Variants in ACYP2 observed in about 807,000 individuals in gnomAD.
ACYP2 encodes the protein acylphosphatase 2.
ACYP2 carries 12 observed loss-of-function variants against 11.2 expected under a neutral mutation model. The ratio of observed to expected loss-of-function variants is 1.08; its 90% confidence interval spans 0.69 to 1.74. The LOEUF (loss-of-function observed/expected upper bound fraction) is 1.74. Ranked by LOEUF, ACYP2 falls within the 40% of genes most tolerant of loss-of-function variation. The pLI, the probability that ACYP2 is intolerant of heterozygous loss-of-function variation, is 0.00. For synonymous variants in ACYP2, 43 were observed against 32.2 expected, an observed-to-expected ratio of 1.33 and a Z score of -1.13; for missense variants, 134 against 101.9, an observed-to-expected ratio of 1.31 and a Z score of -1.35.
At chr2:54,112,991 A>G (rs1462300382) in intron 4 of ACYP2, among the ~76,000 whole-genome samples, 2 of 151,864 alleles carry the variant, frequency 1.3e-5, no homozygotes, top group Non-Finnish European at 2.9e-5. Context: ...CCAGTCAGTG[A>G]CTACTTAGAA....
At chr2:54,235,502 C>T (rs893522771) in intron 6 of ACYP2, among the ~76,000 whole-genome samples, 14 of 152,230 alleles carry the variant, frequency 9.2e-5, no homozygotes, top group African/African-American at 3.4e-4. Flanking sequence ...GCGCCCACCA[C>T]CATGCCTGGC....
intron 2 of ACYP2, among the ~76,000 whole-genome samples, chr2:54,032,632 C>G (rs902472202): frequency 6.6e-6 from 1 of 152,092 alleles, no homozygotes; most frequent in African/African-American, 2.4e-5. Context: ...TCCATATGAA[C>G]TTTAAAGTAG....
chr2:54,249,750 G>A (rs377370733), intron 6 of ACYP2, among the ~76,000 whole-genome samples: 1 of 151,860 alleles, frequency 6.6e-6, no homozygotes, highest in African/African-American at 2.4e-5. Context: ...AGATGAGCTT[G>A]GGCAACACAG....
chr2:53,972,115 C>G (rs905298072), intron 1 of ACYP2, among the ~76,000 whole-genome samples: 1 of 151,602 alleles, frequency 6.6e-6, no homozygotes, highest in Admixed American at 6.6e-5. Flanking sequence ...CGAGACCAGT[C>G]TGGCCAACAT....
intron 4 of ACYP2, among the ~76,000 whole-genome samples, chr2:54,126,227 A>G (rs1337234346): frequency 6.6e-6 from 1 of 152,246 alleles, no homozygotes; most frequent in East Asian, 1.9e-4. Context: ...AGGTGTACTG[A>G]TGACAGTCAC....
At chr2:54,160,025 C>T (rs567848985) in intron 6 of ACYP2, among the ~76,000 whole-genome samples, 37 of 152,288 alleles carry the variant, frequency 2.4e-4, no homozygotes, top group African/African-American at 8.2e-4. Flanking sequence ...GAAAGGATGA[C>T]TTGCTGGATA....
intron 4 of ACYP2, among the ~76,000 whole-genome samples, chr2:54,097,953 T>C (rs1572747439): frequency 7.3e-6 from 1 of 136,738 alleles, no homozygotes. Flanking sequence ...TGTTTCTTTC[T>C]CTCCTTCCTT....
At position 54,263,904 on chromosome 2, in the gene ACYP2, C is replaced by T. The variant is rs1303405059; in HGVS notation, c.405-40784C>T. Among the ~76,000 whole-genome samples the T allele has an allele frequency of 6.9e-5, 3 of 43,550 alleles. No individual in the cohort carries two copies. The East Asian group carries it at 1.8e-3, about 26-fold the overall frequency. 28.6% of individuals were successfully genotyped at this position (43,550 alleles called of 152,430 possible). On this transcript the variant is annotated intron_variant, in intron 6 of 6. Transcript: ENST00000607452. Reference sequence around the variant, plus strand: ...GGAAGCCAGCTTCAGTCATCAAATCCAAACAAACAGTGAGCACAGGAAGAG... The same window carrying T: ...GGAAGCCAGCTTCAGTCATCAAATCTAAACAAACAGTGAGCACAGGAAGAG...
intron 3 of ACYP2, among the ~76,000 whole-genome samples, chr2:54,052,140 AGAT>A (rs1474555891): frequency 1.3e-5 from 2 of 152,148 alleles, no homozygotes; most frequent in Admixed American, 1.3e-4. Flanking sequence ...AAGATGAAGA[AGAT>A]GATGATGCTG....
intron 6 of ACYP2, among the ~76,000 whole-genome samples, chr2:54,178,596 A>G (rs950256443): frequency 2.6e-5 from 4 of 152,122 alleles, no homozygotes; most frequent in African/African-American, 9.7e-5. Context: ...AACATCTTTT[A>G]TGTTTTCTGG....
intron 6 of ACYP2, among the ~76,000 whole-genome samples, chr2:54,231,627 A>G (rs1212393915): frequency 6.6e-6 from 1 of 152,208 alleles, no homozygotes; most frequent in East Asian, 1.9e-4. Flanking sequence ...TCGAATTTGT[A>G]TCATCCTTAT....
chr2:54,164,416 T>C (rs1682863983), intron 6 of ACYP2, among the ~76,000 whole-genome samples: 1 of 152,132 alleles, frequency 6.6e-6, no homozygotes, highest in Non-Finnish European at 1.5e-5. Context: ...ATAATGATGA[T>C]TTAGGAGGAG....
At chr2:54,076,114 A>G (rs979205102) in intron 4 of ACYP2, among the ~76,000 whole-genome samples, 2 of 152,226 alleles carry the variant, frequency 1.3e-5, no homozygotes, top group African/African-American at 2.4e-5. Flanking sequence ...ATTTCTTTGC[A>G]TAATTACTGC....
chr2:54,229,453 T>C lies in ACYP2; in HGVS notation c.405-75235T>C, dbSNP rs72802648. On this transcript the variant is annotated intron_variant, in intron 6 of 6. Coordinates refer to ENST00000607452, the MANE Select transcript of ACYP2 (RefSeq NM_001320586.2). ...TTGATATGAAATTATTATTTAATTATATCACTTTCTTATTCTGTCTTATAC... is the reference window on the plus strand; with the variant it reads ...TTGATATGAAATTATTATTTAATTACATCACTTTCTTATTCTGTCTTATAC... Among the ~76,000 whole-genome samples, 1,501 of 152,338 alleles carry C rather than the reference T, an allele frequency of 9.9e-3. 10 individuals are homozygous for C. The highest frequency in any genetic ancestry group is 0.037 in the Middle Eastern group (11 of 294).
rs184721506 is a variant in ACYP2, at chr2:53,971,689, A to T, written c.-37+368A>T. On this transcript the variant is annotated intron_variant, in intron 1 of 6. Coordinates refer to ENST00000607452, the MANE Select transcript of ACYP2 (RefSeq NM_001320586.2). ...TCTTAATTGCTAGATAAGTACAAGA[A>T]TCCTTAGGAACTCTACAAAGAAGTT... Among the ~76,000 whole-genome samples, 3 of 152,304 alleles carry T rather than the reference A, an allele frequency of 2.0e-5. No individual in the cohort carries two copies. In the East Asian group the frequency reaches 5.8e-4, roughly 29 times the overall value.
intron 6 of ACYP2, among the ~76,000 whole-genome samples, chr2:54,171,606 C>T (rs938670027): frequency 1.3e-5 from 2 of 152,262 alleles, no homozygotes; most frequent in Middle Eastern, 3.4e-3. Flanking sequence ...CAATTTTCAC[C>T]AGTAGAAGCA....
At chr2:54,114,553 G>A (rs534234869) in intron 4 of ACYP2, among the ~76,000 whole-genome samples, 98 of 152,170 alleles carry the variant, frequency 6.4e-4, no homozygotes, top group Non-Finnish European at 6.0e-4. Flanking sequence ...GTGAGGTGGC[G>A]CATGCCTGTA....
chr2:54,151,077 T>C (rs1682146716), intron 6 of ACYP2, among the ~76,000 whole-genome samples: 1 of 152,216 alleles, frequency 6.6e-6, no homozygotes, highest in Admixed American at 6.5e-5. Flanking sequence ...TGATTGCGCA[T>C]GTACTTAAAA....
At chr2:54,115,498 C>T in intron 4 of ACYP2, 117 bp from the exon 1 acceptor site, 1 of 1,411,128 alleles carries the variant, frequency 7.1e-7, no homozygotes, top group Non-Finnish European at 9.4e-7. Context: ...TCCCTCCTGG[C>T]GTCCCCGGCT....
Sources: allele counts gnomAD v4.1 joint callset (sites outside exome capture counted in the v4.1 genomes callset), GRCh38; gene constraint gnomAD v4.1.1; transcripts MANE v1.5; gene names NCBI Gene and HGNC (gene_info 2026-07-23, HGNC 2026-07-21).